The following RNF38 variants were observed in gnomAD, a reference collection of about 807,000 sequenced individuals.
RNF38 encodes the protein ring finger protein 38.
RNF38 carries 15 observed loss-of-function variants against 67.2 expected under a neutral mutation model. That is an observed-to-expected ratio of 0.22 (90% CI 0.15 to 0.34). The LOEUF (loss-of-function observed/expected upper bound fraction) is 0.34. Among genes scored for constraint, RNF38 ranks in the 10% least tolerant of loss-of-function variants. The pLI, the probability that RNF38 is intolerant of heterozygous loss-of-function variation, is 1.00. For synonymous variants in RNF38, 220 were observed against 218.8 expected (o/e 1.01, Z -0.05); for missense variants, 524 against 639.9 (o/e 0.82, Z 1.95).
intron 1 of RNF38, 118 bp from the exon 2 acceptor site, chr9:36,390,734 GGAAA>G: frequency 9.6e-7 from 1 of 1,046,568 alleles, no homozygotes; most frequent in Non-Finnish European, 1.4e-6. Context: ...AGCGAAGACA[GGAAA>G]GAAATTAAAA....
chr9:36,466,870 A>T (rs535538077), intron 1 of RNF38, among the ~76,000 whole-genome samples: 1 of 151,848 alleles, frequency 6.6e-6, no homozygotes, highest in East Asian at 2.0e-4. Flanking sequence ...GTCTACTTAT[A>T]AAAAAATTTG....
Position 36,356,312 on chromosome 9 carries a change from T to C in RNF38, c.900A>G (p.Gln300=). The change falls in exon 6 of 12, where the codon CAA becomes CAG. Residue 300 remains glutamine (Q), a synonymous_variant. Transcript: ENST00000259605. ...TAGTAGAGATACCTACCGATCGTGATTGCTGTGTTTGGAAAGGGACAAACT... is the reference window on the plus strand; with the variant it reads ...TAGTAGAGATACCTACCGATCGTGACTGCTGTGTTTGGAAAGGGACAAACT... ...PGQFVPFQTQ[Q]SRSPLQRIEN... The C allele has an allele frequency of 6.2e-7, 1 of 1,614,056 alleles. No homozygotes were observed.
intron 1 of RNF38, among the ~76,000 whole-genome samples, chr9:36,391,761 C>T (rs546019757): frequency 6.6e-6 from 1 of 151,958 alleles, no homozygotes; most frequent in African/African-American, 2.4e-5. Flanking sequence ...CTACAGGCGC[C>T]CGCCACCCCG....
intron 9 of RNF38, among the ~76,000 whole-genome samples, chr9:36,348,514 A>T (rs1187363193): frequency 6.6e-6 from 1 of 151,948 alleles, no homozygotes; most frequent in Non-Finnish European, 1.5e-5. Context: ...CAGAAAAGTC[A>T]CTCCAGTGAA....
chr9:36,371,961 C>T (rs1380098095), intron 3 of RNF38, among the ~76,000 whole-genome samples: 2 of 148,380 alleles, frequency 1.3e-5, no homozygotes, highest in Admixed American at 6.8e-5. Flanking sequence ...GACAGAGTCT[C>T]GCCCTGTCTG....
At chr9:36,341,793 AATATATATAT>A (rs1193028456) in intron 11 of RNF38, among the ~76,000 whole-genome samples, 1 of 20,944 alleles carries the variant, frequency 4.8e-5, no homozygotes, top group South Asian at 1.9e-3. Context: ...CCTGTTTCAA[AATATATATAT>A]ATATATATAT....
intron 6 of RNF38, among the ~76,000 whole-genome samples, chr9:36,354,176 C>T (rs1275712040): frequency 6.6e-6 from 1 of 152,070 alleles, no homozygotes; most frequent in African/African-American, 2.4e-5. Context: ...TTCCCCAAGC[C>T]ATCAGCTTTC....
At chr9:36,418,446 A>G (rs1838531445) in intron 2 of RNF38, among the ~76,000 whole-genome samples, 1 of 151,232 alleles carries the variant, frequency 6.6e-6, no homozygotes, top group South Asian at 2.1e-4. Context: ...TGAGGACAGG[A>G]GCTGAAGACC....
chr9:36,487,075 C>T (rs890178937), intron 1 of RNF38, among the ~76,000 whole-genome samples: 1 of 152,218 alleles, frequency 6.6e-6, no homozygotes, highest in Non-Finnish European at 1.5e-5. Flanking sequence ...CTAGAGAGGT[C>T]CTGCCCTGCA....
intron 1 of RNF38, among the ~76,000 whole-genome samples, chr9:36,456,776 C>A (rs933560272): frequency 6.6e-6 from 1 of 152,084 alleles, no homozygotes; most frequent in African/African-American, 2.4e-5. Flanking sequence ...CTGCATTGTG[C>A]CAAGCATGAA....
At chr9:36,410,984 G>T (rs573601294) in intron 2 of RNF38, among the ~76,000 whole-genome samples, 1 of 152,124 alleles carries the variant, frequency 6.6e-6, no homozygotes, top group Non-Finnish European at 1.5e-5. Flanking sequence ...TGAATGTACT[G>T]TATGTACTTA....
chr9:36,400,293 G>T (rs1837910836), upstream of RNF38: 2 of 1,294,804 alleles, frequency 1.5e-6, no homozygotes, highest in Non-Finnish European at 2.0e-6. Context: ...CTTTCGACCG[G>T]GTTCCGCGTT....
intron 1 of RNF38, among the ~76,000 whole-genome samples, chr9:36,459,559 G>C (rs913175356): frequency 7.2e-5 from 11 of 152,258 alleles, no homozygotes; most frequent in African/African-American, 2.6e-4. Context: ...AGTGTTTTCT[G>C]ACACTGAAGA....
chr9:36,479,323 A>G (rs2134445695), intron 1 of RNF38, among the ~76,000 whole-genome samples: 1 of 152,312 alleles, frequency 6.6e-6, no homozygotes, highest in East Asian at 1.9e-4. Flanking sequence ...GGCTCCACAG[A>G]AAAGAGTGGG....
intron 1 of RNF38, among the ~76,000 whole-genome samples, chr9:36,447,457 T>C (rs1839333785): frequency 6.6e-6 from 1 of 152,194 alleles, no homozygotes; most frequent in Non-Finnish European, 1.5e-5. Flanking sequence ...GACGAATTTC[T>C]AACTAAAATT....
At chr9:36,476,313 T>C (rs1840119633) in intron 1 of RNF38, among the ~76,000 whole-genome samples, 1 of 151,914 alleles carries the variant, frequency 6.6e-6, no homozygotes, top group African/African-American at 2.4e-5. Flanking sequence ...AGACGGGGTT[T>C]CCCCTTGGCC....
At chr9:36,399,976 A>T in intron 1 of RNF38, 121 bp downstream of exon 1, 1 of 868,568 alleles carries the variant, frequency 1.2e-6, no homozygotes, top group East Asian at 2.6e-5. Context: ...AGAAATGGCA[A>T]TTCATATAAT....
At chr9:36,384,354 T>A (rs1361323431) in intron 2 of RNF38, among the ~76,000 whole-genome samples, 1 of 151,944 alleles carries the variant, frequency 6.6e-6, no homozygotes, top group Non-Finnish European at 1.5e-5. Flanking sequence ...GCTCAGAGGG[T>A]AGGAATATAA....
At chr9:36,390,323 T>TA in intron 2 of RNF38, 144 bp downstream of exon 2, 4 of 601,786 alleles carry the variant, frequency 6.6e-6, no homozygotes, top group Non-Finnish European at 1.0e-5. Context: ...GAAAAAATAT[T>TA]AAAGTCCTCT....
Sources: allele counts gnomAD v4.1 joint callset (sites outside exome capture counted in the v4.1 genomes callset), GRCh38; gene constraint gnomAD v4.1.1; transcripts MANE v1.5; gene names NCBI Gene and HGNC (gene_info 2026-07-23, HGNC 2026-07-21).